Variants in IFNGR2 observed in about 807,000 individuals in gnomAD.
The protein encoded by IFNGR2 is IFN-gamma receptor 2.
In IFNGR2, 15 loss-of-function variants were observed where a neutral mutation model predicts 41.1. The ratio of observed to expected loss-of-function variants is 0.37; its 90% CI spans 0.24 to 0.56. The LOEUF (loss-of-function observed/expected upper bound fraction) is 0.56. Among genes scored for constraint, IFNGR2 ranks in the 20% least tolerant of loss-of-function variants. The probability of loss-of-function intolerance (pLI) is 0.81; values close to 1 mark genes in which losing one functional copy is unlikely to be tolerated. For missense variants in IFNGR2, 362 were observed against 415.7 expected (o/e 0.87, Z 1.12); for synonymous variants, 161 against 171.6 (o/e 0.94, Z 0.48).
intron 2 of IFNGR2, among the ~76,000 whole-genome samples, chr21:33,420,990 A>G (rs1381723637): frequency 6.6e-6 from 1 of 152,152 alleles, no homozygotes; most frequent in Non-Finnish European, 1.5e-5. Flanking sequence ...TGAGGCCAGG[A>G]GTTTGAGACC....
Position 33,407,657 on chromosome 21 carries a change from G to A in IFNGR2, c.73+4041G>A, listed in dbSNP as rs992783258. ...GATGCCCAGGTGGGAATGCAGTGGCGCTATCTCGGCTCACTGCAACCTCTA... is the reference window on the plus strand; with the variant it reads ...GATGCCCAGGTGGGAATGCAGTGGCACTATCTCGGCTCACTGCAACCTCTA... On this transcript the variant is annotated intron_variant, in intron 1 of 6. Transcript: ENST00000290219. Among the ~76,000 whole-genome samples, 7 of 152,264 alleles carry A rather than the reference G, an allele frequency of 4.6e-5. 1 individual carries two copies. Among genetic ancestry groups the A allele is most frequent in the African/African-American group, 9.6e-5 (4 of 41,540 alleles).
At position 33,432,870 on chromosome 21, in the gene IFNGR2, A is replaced by T; in HGVS notation, c.878A>T (p.Glu293Val). 1.2e-6 allele frequency: 2 copies of T among 1,606,516 alleles called. No individual in the cohort carries two copies. The highest frequency in any genetic ancestry group is 1.7e-6 in the Non-Finnish European group (2 of 1,175,116). Residue 293 changes from glutamate to valine, a missense_variant and splice_region_variant, in exon 6 of 7, where the codon GAG becomes GTG. By Grantham distance (121) the Glu-to-Val change is moderately radical (BLOSUM62 -2). Coordinates refer to ENST00000290219, the MANE Select transcript of IFNGR2 (RefSeq NM_005534.4). ...TPPSIPLQIEEYLKDPTQPIL... is the reference protein window; with the variant it reads ...TPPSIPLQIEVYLKDPTQPIL... ...CCAAGCATCCCATTACAGATAGAAG[A>T]GGTACGTGTGCACACATCTCTTTTT...
intron 4 of IFNGR2, among the ~76,000 whole-genome samples, chr21:33,431,829 C>T (rs570727678): frequency 6.6e-6 from 1 of 152,326 alleles, no homozygotes; most frequent in Middle Eastern, 3.4e-3. Context: ...ACCCTGGCCT[C>T]CCAAAGTGGT....
chr21:33,422,268 C>A (rs1408133443), intron 3 of IFNGR2, among the ~76,000 whole-genome samples: 1 of 152,182 alleles, frequency 6.6e-6, no homozygotes, highest in African/African-American at 2.4e-5. Flanking sequence ...CCCTCAGATT[C>A]CAGTTCCTAC....
intron 5 of IFNGR2, 81 bp downstream of exon 5, chr21:33,432,417 GTCA>G: frequency 7.4e-7 from 1 of 1,352,870 alleles, no homozygotes. Flanking sequence ...TGCTTATGAG[GTCA>G]TGGGTGGTGG....
chr21:33,437,109 C>A lies in IFNGR2; in HGVS notation c.*147C>A. The stretch of plus-strand genomic sequence containing the variant: ...CCTGCAGACATGAGAGACAGCAGGT[C>A]TCATGGGGGTGACAAGCTTTTTTTT... On this transcript the variant is annotated 3_prime_UTR_variant, in exon 7 of 7. Transcript: ENST00000290219. 1 of 669,474 alleles carries A rather than the reference C, an allele frequency of 1.5e-6. No homozygotes were observed. 41.5% of individuals were successfully genotyped at this position (669,474 alleles called of 1,614,324 possible).
intron 3 of IFNGR2, among the ~76,000 whole-genome samples, chr21:33,423,159 C>T (rs1342322337): frequency 6.7e-6 from 1 of 149,878 alleles, no homozygotes; most frequent in Non-Finnish European, 1.5e-5. Context: ...CCTGCCTCAG[C>T]CTCCCGAGTA....
chr21:33,403,721 A>G lies in IFNGR2; in HGVS notation c.73+105A>G, dbSNP rs1452657434. ...GGTGGGGGGAATCTGCCGGGTGCTCAGAGTGGGTGGGAATCTGCGGGGTGC... is the reference window on the plus strand; with the variant it reads ...GGTGGGGGGAATCTGCCGGGTGCTCGGAGTGGGTGGGAATCTGCGGGGTGC... On this transcript the variant is annotated intron_variant, in intron 1 of 6. Coordinates refer to ENST00000290219, the MANE Select transcript of IFNGR2 (RefSeq NM_005534.4). 5 of 728,112 alleles carry G rather than the reference A, an allele frequency of 6.9e-6. No individual in the cohort carries two copies. In the Admixed American group the frequency reaches 1.4e-4, roughly 21 times the overall value. 45.1% of individuals were successfully genotyped at this position (728,112 alleles called of 1,614,324 possible). A position where few individuals can be genotyped will look rare whatever the true frequency, so the allele number is the denominator to read the frequency against.
chr21:33,432,431 G>C, intron 5 of IFNGR2, 95 bp downstream of exon 5: 1 of 1,222,926 alleles, frequency 8.2e-7, no homozygotes, highest in Admixed American at 1.7e-5. Flanking sequence ...TGGGTGGTGG[G>C]AGTGGGGAGA....
chr21:33,403,690 T>G, intron 1 of IFNGR2, 74 bp downstream of exon 1: 33 of 797,664 alleles, frequency 4.1e-5, no homozygotes, highest in African/African-American at 5.6e-5. Context: ...GACTCCCGGA[T>G]CGTGGGGTGG....
At chr21:33,427,171 T>C in intron 4 of IFNGR2, 139 bp downstream of exon 4, 2 of 786,192 alleles carry the variant, frequency 2.5e-6, no homozygotes, top group Non-Finnish European at 4.4e-6. Context: ...GCCCTGAGCC[T>C]GTTTTCATTG....
rs557935330 is a variant in IFNGR2, at chr21:33,434,833, ATCTC to A, written c.879+1971_879+1974del. On this transcript the variant is annotated intron_variant, in intron 6 of 6. Transcript: ENST00000290219. ...TCTCAGAATCTTACTTGCAGTAATA[ATCTC>A]TCTCTCTCCTGGTAGAACTACCAGC... Among the ~76,000 whole-genome samples the A allele has an allele frequency of 3.7e-4, 56 of 152,164 alleles. 1 individual carries two copies. The highest frequency in any genetic ancestry group is 1.3e-3 in the African/African-American group (54 of 41,528).
At position 33,403,465 on chromosome 21, in the gene IFNGR2, G is replaced by A; in HGVS notation, c.-79G>A. On this transcript the variant is annotated 5_prime_UTR_variant, in exon 1 of 7. It introduces an in-frame stop codon into an upstream open reading frame of the 5' UTR. Coordinates refer to ENST00000290219, the MANE Select transcript of IFNGR2 (RefSeq NM_005534.4). Reference sequence around the variant, plus strand: ...CGCCCTGCGCTCGCCATGGCGGTTTGGGCGGCGACGTGAGCGGCTCCGCGG... The same window carrying A: ...CGCCCTGCGCTCGCCATGGCGGTTTAGGCGGCGACGTGAGCGGCTCCGCGG... 1 of 909,034 alleles carries A rather than the reference G, an allele frequency of 1.1e-6. No homozygotes were observed. The allele number at this position is 909,034 out of a possible 1,614,324, so 56.3% of individuals were successfully genotyped here. A position where few individuals can be genotyped will look rare whatever the true frequency, so the allele number is the denominator to read the frequency against.
chr21:33,426,216 C>G (rs1157205603), intron 3 of IFNGR2, among the ~76,000 whole-genome samples: 5 of 151,940 alleles, frequency 3.3e-5, no homozygotes, highest in Non-Finnish European at 5.9e-5. Context: ...AGTTTGAAAC[C>G]AGCCTGGCCA....
At chr21:33,411,797 G>T (rs1358416459) in intron 1 of IFNGR2, among the ~76,000 whole-genome samples, 1 of 152,206 alleles carries the variant, frequency 6.6e-6, no homozygotes, top group Admixed American at 6.5e-5. Flanking sequence ...CTCCCTGGAG[G>T]CTCGAGAAGG....
intron 4 of IFNGR2, among the ~76,000 whole-genome samples, chr21:33,428,670 C>G (rs1444612055): frequency 1.3e-5 from 2 of 152,216 alleles, no homozygotes; most frequent in Non-Finnish European, 2.9e-5. Context: ...GGGAGCCTGG[C>G]AGAATCCAGA....
intron 3 of IFNGR2, among the ~76,000 whole-genome samples, chr21:33,426,008 C>T (rs1181510496): frequency 6.6e-6 from 1 of 152,228 alleles, no homozygotes; most frequent in Admixed American, 6.5e-5. Context: ...TTAATAAATG[C>T]TTGATAACCC....
intron 2 of IFNGR2, 103 bp downstream of exon 2, chr21:33,415,123 C>A (rs2083745298): frequency 1.4e-6 from 2 of 1,386,476 alleles, no homozygotes; most frequent in Non-Finnish European, 2.0e-6. Context: ...GGTTTGTTAT[C>A]AAACCCGTGG....
Position 33,432,787 on chromosome 21 carries a change from C to T in IFNGR2, c.795C>T (p.Ala265=), listed in dbSNP as rs566154275. ...TFSLLSVLAG[A]CFFLVLKYRG... ...CGTTGCTGTCGGTGCTGGCAGGAGC[C>T]TGTTTCTTCCTGGTCCTGAAATATA... The change falls in exon 6 of 7, where the codon GCC becomes GCT. Residue 265 remains alanine (A), a synonymous_variant. Transcript: ENST00000290219. 7 of 1,613,914 alleles carry T rather than the reference C, an allele frequency of 4.3e-6. No homozygotes were observed. In the Admixed American group the frequency reaches 5.0e-5, roughly 12 times the overall value.
Sources: gnomAD v4.1 joint callset for allele counts (sites outside exome capture counted in the v4.1 genomes callset) on GRCh38, gnomAD v4.1.1 for gene constraint, MANE v1.5 for transcripts, NCBI Gene and HGNC (gene_info 2026-07-23, HGNC 2026-07-21) for gene names.